PTPRR: variants seen among roughly 807,000 people sequenced by gnomAD.
The protein encoded by PTPRR is protein tyrosine phosphatase receptor type R.
A neutral mutation model predicts 77.2 loss-of-function variants in PTPRR; 38 were observed. That is an observed-to-expected ratio of 0.49 (90% confidence interval 0.38 to 0.65). The LOEUF (loss-of-function observed/expected upper bound fraction) is 0.65, where lower values mean the gene tolerates loss of function less well. PTPRR is among the 30% of genes least tolerant of loss of function. PTPRR has a pLI of 0.00. For synonymous variants in PTPRR, 299 were observed against 283.1 expected, an observed-to-expected ratio of 1.06 and a Z score of -0.57; for missense variants, 744 against 799.2, an observed-to-expected ratio of 0.93 and a Z score of 0.83.
At chr12:70,895,023 A>G (rs1893402593) in intron 1 of PTPRR, among the ~76,000 whole-genome samples, 1 of 151,734 alleles carries the variant, frequency 6.6e-6, no homozygotes. Flanking sequence ...TCATACTATT[A>G]TATCGTGGAA....
At chr12:70,814,308 G>C (rs891748098) in intron 2 of PTPRR, among the ~76,000 whole-genome samples, 2 of 152,146 alleles carry the variant, frequency 1.3e-5, no homozygotes, top group African/African-American at 4.8e-5. Flanking sequence ...TTAAGGGGGA[G>C]GGCTTGCCCT....
At chr12:70,790,639 C>A (rs1224248895) in intron 2 of PTPRR, among the ~76,000 whole-genome samples, 1 of 152,084 alleles carries the variant, frequency 6.6e-6, no homozygotes, top group Non-Finnish European at 1.5e-5. Flanking sequence ...TGGATCTTGT[C>A]CACACTGAAC....
At chr12:70,795,369 T>C (rs959155285) in intron 2 of PTPRR, among the ~76,000 whole-genome samples, 1 of 152,176 alleles carries the variant, frequency 6.6e-6, no homozygotes, top group Non-Finnish European at 1.5e-5. Flanking sequence ...CAAAACAGAA[T>C]AATAAGAAAT....
chr12:70,746,229 A>AGAG, intron 5 of PTPRR, 143 bp from the exon 6 acceptor site: 4 of 788,374 alleles, frequency 5.1e-6, no homozygotes, highest in Non-Finnish European at 7.9e-6. Flanking sequence ...ATGATTTCTC[A>AGAG]GTTTCATGGT....
chr12:70,806,947 G>A lies in PTPRR; in HGVS notation c.358-42169C>T, dbSNP rs1225782653. Reference sequence around the variant, plus strand: ...TCTCTTGCCATTTCCCACAAGACGGGTTGGAAAAACTAAGTACTCATTTCT... The same window carrying A: ...TCTCTTGCCATTTCCCACAAGACGGATTGGAAAAACTAAGTACTCATTTCT... On this transcript the variant is annotated intron_variant, in intron 2 of 13. Transcript: ENST00000283228. 5.3e-5 allele frequency among the ~76,000 whole-genome samples: 8 copies of A among 152,178 alleles called. No homozygotes were observed. In the South Asian group the frequency reaches 1.7e-3, roughly 32 times the overall value.
At chr12:70,865,396 A>T (rs1892826228) in intron 2 of PTPRR, among the ~76,000 whole-genome samples, 1 of 129,552 alleles carries the variant, frequency 7.7e-6, no homozygotes, top group Non-Finnish European at 1.8e-5. Context: ...TACGAGACAG[A>T]TTGGGAAGAG....
In PTPRR at chr12:70,661,105, T is replaced by C. The variant is rs1886784124; in HGVS notation, c.1609-8A>G. 2 of 1,601,928 alleles carry C rather than the reference T, an allele frequency of 1.2e-6. No individual in the cohort carries two copies. The highest frequency in any genetic ancestry group is 1.1e-5 in the South Asian group (1 of 89,512). On this transcript the variant is annotated splice_region_variant and splice_polypyrimidine_tract_variant and intron_variant, in intron 11 of 13. Transcript: ENST00000283228. ...TTGGGTGTGGCTTCCTTGCTGAAAA[T>C]AGCAACAGCCACCAAATGCCTCATT...
At chr12:70,880,835 C>T (rs910066410) in intron 2 of PTPRR, among the ~76,000 whole-genome samples, 2 of 152,148 alleles carry the variant, frequency 1.3e-5, no homozygotes, top group African/African-American at 4.8e-5. Context: ...TATTTATGCT[C>T]CTCACCAGAA....
chr12:70,702,476 C>T (rs1376007924), intron 6 of PTPRR, among the ~76,000 whole-genome samples: 1 of 152,100 alleles, frequency 6.6e-6, no homozygotes, highest in Non-Finnish European at 1.5e-5. Context: ...ATGCTAGGCC[C>T]AGCAAATTAT....
At chr12:70,682,504 T>G (rs1389083500) in intron 10 of PTPRR, among the ~76,000 whole-genome samples, 2 of 152,232 alleles carry the variant, frequency 1.3e-5, no homozygotes, top group Non-Finnish European at 2.9e-5. Flanking sequence ...TTAGTCTCTT[T>G]TTATTAAGCA....
At chr12:70,827,532 C>G (rs377439025) in intron 2 of PTPRR, among the ~76,000 whole-genome samples, 2 of 124,068 alleles carry the variant, frequency 1.6e-5, no homozygotes, top group African/African-American at 6.3e-5. Flanking sequence ...TTTCTTTTTT[C>G]TTTCTTTCTT....
intron 2 of PTPRR, among the ~76,000 whole-genome samples, chr12:70,846,274 A>G (rs2137064636): frequency 6.6e-6 from 1 of 152,216 alleles, no homozygotes; most frequent in African/African-American, 2.4e-5. Flanking sequence ...AGATTATGAG[A>G]TTACATACAA....
intron 2 of PTPRR, among the ~76,000 whole-genome samples, chr12:70,808,381 TCTGTGACCCACACC>T (rs1413380793): frequency 6.6e-6 from 1 of 152,132 alleles, no homozygotes; most frequent in Non-Finnish European, 1.5e-5. Flanking sequence ...GCATGTGATC[TCTGTGACCCACACC>T]CTATTTGTAC....
intron 2 of PTPRR, among the ~76,000 whole-genome samples, chr12:70,819,023 T>TA (rs1378529544): frequency 1.3e-5 from 2 of 151,746 alleles, no homozygotes; most frequent in Non-Finnish European, 2.9e-5. Flanking sequence ...TAAAATAGGG[T>TA]AAAAAATAAA....
chr12:70,805,354 T>G (rs937173335), intron 2 of PTPRR, among the ~76,000 whole-genome samples: 6 of 151,936 alleles, frequency 3.9e-5, no homozygotes, highest in Non-Finnish European at 8.8e-5. Context: ...TTATTATTTT[T>G]GGGACAGGAT....
rs188675583 is a variant in PTPRR, at chr12:70,693,536, G to A, written c.1279+4729C>T. 1.9e-3 allele frequency among the ~76,000 whole-genome samples: 290 copies of A among 152,092 alleles called. 2 individuals carry two copies. Among genetic ancestry groups the A allele is most frequent in the Admixed American group, 0.014 (208 of 15,284 alleles). On this transcript the variant is annotated intron_variant, in intron 8 of 13. Coordinates refer to ENST00000283228, the MANE Select transcript of PTPRR (RefSeq NM_002849.4). ...TAGTAATTAAACTTTTTTTGTGTGT[G>A]TGGAAATGGGGTCTTATTATATTGC...
intron 1 of PTPRR, among the ~76,000 whole-genome samples, chr12:70,896,504 C>T (rs1265609762): frequency 6.6e-6 from 1 of 151,422 alleles, no homozygotes. Flanking sequence ...ATGTTGAAAA[C>T]TGAAATTATA....
intron 5 of PTPRR, among the ~76,000 whole-genome samples, chr12:70,751,292 A>G (rs1300559945): frequency 6.6e-6 from 1 of 152,034 alleles, no homozygotes; most frequent in African/African-American, 2.4e-5. Flanking sequence ...ACTTTCAAAT[A>G]GATCTCAATC....
At chr12:70,832,080 A>T (rs1233694164) in intron 2 of PTPRR, among the ~76,000 whole-genome samples, 1 of 152,258 alleles carries the variant, frequency 6.6e-6, no homozygotes, top group Non-Finnish European at 1.5e-5. Context: ...ATAACAGAGA[A>T]GAATTTCCTG....
Sources: allele counts gnomAD v4.1 joint callset (sites outside exome capture counted in the v4.1 genomes callset), GRCh38; gene constraint gnomAD v4.1.1; transcripts MANE v1.5; gene names NCBI Gene and HGNC (gene_info 2026-07-23, HGNC 2026-07-21).